The following RBFOX1 variants were observed in gnomAD, a reference collection of about 807,000 sequenced individuals.
RBFOX1 encodes RNA binding protein fox-1 homolog 1.
Under a neutral mutation model 57.7 loss-of-function variants are expected in RBFOX1, and 8 were observed. That is an observed-to-expected ratio of 0.14 (90% CI 0.08 to 0.25). The LOEUF is 0.25. RBFOX1 is among the 10% of genes least tolerant of loss of function. The pLI, the probability that RBFOX1 is intolerant of heterozygous loss-of-function variation, is 1.00. For synonymous variants in RBFOX1, 326 were observed against 222.4 expected (o/e 1.47, Z -4.15); for missense variants, 611 against 548.5 (o/e 1.11, Z -1.14).
At chr16:5,771,485 T>C (rs2053974621) in intron 3 of RBFOX1, among the ~76,000 whole-genome samples, 1 of 152,218 alleles carries the variant, frequency 6.6e-6, no homozygotes, top group East Asian at 1.9e-4. Flanking sequence ...CTCAGTTCAT[T>C]GCAGCTTCTG....
chr16:5,816,347 A>T lies in RBFOX1; in HGVS notation c.319-50956A>T, dbSNP rs1474230558. 2.0e-5 allele frequency among the ~76,000 whole-genome samples: 3 copies of T among 152,080 alleles called. No homozygotes were observed. In the East Asian group the frequency reaches 5.8e-4, roughly 29 times the overall value. On this transcript the variant is annotated intron_variant, in intron 3 of 19. Coordinates refer to the RBFOX1 transcript ENST00000641259. The stretch of plus-strand genomic sequence containing the variant: ...TTACAAAACCTTCCAGGTACTTTGG[A>T]TTCTTACTGTCTGAAGCAGCACCTC...
At chr16:6,330,892 C>T (rs150846851) in intron 2 of RBFOX1, among the ~76,000 whole-genome samples, 136 of 152,022 alleles carry the variant, frequency 8.9e-4, no homozygotes, top group Middle Eastern at 3.4e-3. Context: ...AGCAAGACTT[C>T]GGTGGTTTTG....
At chr16:6,630,759 G>C (rs939975546) in intron 2 of RBFOX1, among the ~76,000 whole-genome samples, 1 of 152,118 alleles carries the variant, frequency 6.6e-6, no homozygotes, top group African/African-American at 2.4e-5. Flanking sequence ...AATACCATGA[G>C]AAGGAGGTTG....
At chr16:7,633,708 ACCCCTC>A (rs1237765549) in intron 11 of RBFOX1, among the ~76,000 whole-genome samples, 9 of 152,040 alleles carry the variant, frequency 5.9e-5, no homozygotes, top group Non-Finnish European at 1.5e-5. Flanking sequence ...CAACTCTGAG[ACCCCTC>A]CCTCTCCAAT....
At position 6,773,176 on chromosome 16, in the gene RBFOX1, G is replaced by GTT. The variant is rs1289136014; in HGVS notation, c.-16+118527_-16+118528insTT. ...GTATGGGTGTGGGGTGCATTTGTGT[G>GTT]TGTGTGTGTGGGCATGGGGTGCATT... On this transcript the variant is annotated intron_variant, in intron 3 of 15. Coordinates refer to ENST00000550418, the MANE Select transcript of RBFOX1 (RefSeq NM_018723.4). Among the ~76,000 whole-genome samples, 4 of 98,950 alleles carry GTT rather than the reference G, an allele frequency of 4.0e-5. 1 individual carries two copies. Among genetic ancestry groups the GTT allele is most frequent in the African/African-American group, 1.9e-4 (4 of 21,040 alleles). The allele number at this position is 98,950 out of a possible 152,430, so 64.9% of individuals were successfully genotyped here. A position where few individuals can be genotyped will look rare whatever the true frequency, so the allele number is the denominator to read the frequency against.
At chr16:7,137,979 G>A (rs543685673) in intron 4 of RBFOX1, among the ~76,000 whole-genome samples, 2 of 152,262 alleles carry the variant, frequency 1.3e-5, no homozygotes, top group East Asian at 3.9e-4. Flanking sequence ...TTTTACAGAT[G>A]AGAAAATGCA....
At chr16:5,267,744 TGTG>T (rs2062897506) in intron 1 of RBFOX1, among the ~76,000 whole-genome samples, 1 of 152,200 alleles carries the variant, frequency 6.6e-6, no homozygotes, top group African/African-American at 2.4e-5. Flanking sequence ...AACAAACTTG[TGTG>T]GAACCACAGT....
At chr16:6,198,446 G>C (rs753895542) in intron 1 of RBFOX1, among the ~76,000 whole-genome samples, 7 of 152,128 alleles carry the variant, frequency 4.6e-5, no homozygotes, top group Non-Finnish European at 8.8e-5. Flanking sequence ...AGAAAATAAA[G>C]AGGGAGACTC....
intron 3 of RBFOX1, chr16:6,776,160 C>T (rs1427660266): frequency 6.5e-6 from 1 of 152,836 alleles, no homozygotes. Context: ...GCCTGTAATC[C>T]CAGCACTTTG....
intron 3 of RBFOX1, among the ~76,000 whole-genome samples, chr16:6,947,440 T>A (rs1467034147): frequency 6.6e-6 from 1 of 152,194 alleles, no homozygotes; most frequent in Non-Finnish European, 1.5e-5. Context: ...TGGCTTCAAC[T>A]GGCCGTATTT....
chr16:6,625,119 C>G (rs529052771), intron 2 of RBFOX1, among the ~76,000 whole-genome samples: 1 of 122,382 alleles, frequency 8.2e-6, no homozygotes, highest in African/African-American at 3.1e-5. Context: ...GAGTCAAGAT[C>G]GTGCCATTGC....
intron 3 of RBFOX1, among the ~76,000 whole-genome samples, chr16:5,702,849 C>G (rs1053965065): frequency 6.6e-6 from 1 of 152,082 alleles, no homozygotes; most frequent in Non-Finnish European, 1.5e-5. Flanking sequence ...TAGATAACAC[C>G]CTCTATGCCC....
intron 4 of RBFOX1, among the ~76,000 whole-genome samples, chr16:7,514,887 G>T (rs568720013): frequency 6.6e-6 from 1 of 152,318 alleles, no homozygotes; most frequent in South Asian, 2.1e-4. Context: ...AAGCCCCAGG[G>T]TTATATATGT....
intron 2 of RBFOX1, among the ~76,000 whole-genome samples, chr16:6,561,248 A>G (rs2097175605): frequency 6.6e-6 from 1 of 152,188 alleles, no homozygotes; most frequent in Non-Finnish European, 1.5e-5. Flanking sequence ...TCACGGGGGC[A>G]GGGGCTGTCC....
At chr16:6,345,259 T>C (rs887369128) in intron 2 of RBFOX1, among the ~76,000 whole-genome samples, 32 of 152,286 alleles carry the variant, frequency 2.1e-4, no homozygotes, top group African/African-American at 7.5e-4. Context: ...TGTTAAACAG[T>C]AACTTTTATT....
intron 2 of RBFOX1, among the ~76,000 whole-genome samples, chr16:6,607,662 C>G (rs1198440856): frequency 6.6e-6 from 1 of 151,836 alleles, no homozygotes; most frequent in African/African-American, 2.4e-5. Flanking sequence ...GTCTTCTTCC[C>G]TCTCTGTATT....
intron 11 of RBFOX1, among the ~76,000 whole-genome samples, chr16:7,633,936 A>AT (rs2061368567): frequency 6.6e-6 from 1 of 152,184 alleles, no homozygotes; most frequent in Non-Finnish European, 1.5e-5. Context: ...CTACAAAACC[A>AT]TTCCCCATTT....
rs2057345385 is a variant in RBFOX1, at chr16:5,866,459, CCAAGT to C, written c.319-841_319-837del. On this transcript the variant is annotated intron_variant, in intron 3 of 19. Transcript: ENST00000641259. ...GATAGGACAATATGGCTGAGGTTGG[CCAAGT>C]CATCCAGGTATAAGAGAAGTTGTAA... 2.6e-5 allele frequency among the ~76,000 whole-genome samples: 4 copies of C among 152,234 alleles called. 1 individual carries two copies. The highest frequency in any genetic ancestry group is 4.1e-4 in the South Asian group (2 of 4,822).
intron 2 of RBFOX1, among the ~76,000 whole-genome samples, chr16:6,525,428 T>G (rs1398041957): frequency 6.6e-6 from 1 of 152,238 alleles, no homozygotes; most frequent in African/African-American, 2.4e-5. Flanking sequence ...CATTGAGAAG[T>G]GATGCTATAA....
Sources: allele counts gnomAD v4.1 joint callset (sites outside exome capture counted in the v4.1 genomes callset), GRCh38; gene constraint gnomAD v4.1.1; transcripts MANE v1.5; gene names NCBI Gene and HGNC (gene_info 2026-07-23, HGNC 2026-07-21).